SRSF4: variants seen among roughly 807,000 people sequenced by gnomAD.
The protein encoded by SRSF4 is serine/arginine-rich splicing factor 4.
Under a neutral mutation model 48.8 loss-of-function variants are expected in SRSF4, and 12 were observed. That is an observed-to-expected ratio of 0.25 (90% CI 0.16 to 0.40). SRSF4 has a LOEUF of 0.40. Among genes scored for constraint, SRSF4 ranks in the 10% least tolerant of loss-of-function variants. The pLI is 1.00. For missense variants in SRSF4, 466 were observed against 667.1 expected (o/e 0.70, Z 3.32); for synonymous variants, 248 against 232.5 (o/e 1.07, Z -0.61).
chr1:29,149,324 A>C, intron 5 of SRSF4, 98 bp from the exon 6 acceptor site: 1 of 1,360,946 alleles, frequency 7.3e-7, no homozygotes, highest in Non-Finnish European at 9.8e-7. Context: ...ACACCCCCCA[A>C]TATAAAGCAT....
chr1:29,154,690 C>A lies in SRSF4; in HGVS notation c.578+6G>T, dbSNP rs755599541. The A allele has an allele frequency of 6.2e-7, 1 of 1,614,050 alleles. No individual in the cohort carries two copies. Among genetic ancestry groups the A allele is most frequent in the South Asian group, 1.1e-5 (1 of 91,062 alleles). On this transcript the variant is annotated splice_donor_region_variant and intron_variant, in intron 4 of 5. Transcript: ENST00000373795. ...AGCTCCAACACACAAAAGACATCAA[C>A]AGTACCTTGAATGACTCCGGCTTCT...
At position 29,181,762 on chromosome 1, in the gene SRSF4, G is replaced by C; in HGVS notation, c.-10C>G. 1 of 1,568,736 alleles carries C rather than the reference G, an allele frequency of 6.4e-7. No homozygotes were observed. On this transcript the variant is annotated 5_prime_UTR_variant, in exon 1 of 6. Coordinates refer to ENST00000373795, the MANE Select transcript of SRSF4 (RefSeq NM_005626.5). ...TGTACACCCGCGGCATCCCGGCAAC[G>C]GCAGTGATGGCTGGCCCCGGCCCCA... is the stretch of plus-strand genomic sequence containing the variant.
In SRSF4 at chr1:29,167,327, C is replaced by A. The variant is rs567103162; in HGVS notation, c.108-6810G>T. Among the ~76,000 whole-genome samples, 6 of 152,328 alleles carry A rather than the reference C, an allele frequency of 3.9e-5. No homozygotes were observed. In the South Asian group the frequency reaches 6.2e-4, roughly 16 times the overall value. On this transcript the variant is annotated intron_variant, in intron 1 of 5. Transcript: ENST00000373795. Reference sequence around the variant, plus strand: ...CTTTCATGAAGCCTCAGAAACTTGCCTATTCCAATTATTTTAGGACTTTCT... The same window carrying A: ...CTTTCATGAAGCCTCAGAAACTTGCATATTCCAATTATTTTAGGACTTTCT...
chr1:29,176,810 C>T (rs1221169571), intron 1 of SRSF4, among the ~76,000 whole-genome samples: 1 of 152,232 alleles, frequency 6.6e-6, no homozygotes, highest in Non-Finnish European at 1.5e-5. Context: ...CATGACTAAA[C>T]AGACCACAAC....
At chr1:29,155,058 TG>T in intron 3 of SRSF4, 148 bp from the exon 4 acceptor site, 1 of 722,156 alleles carries the variant, frequency 1.4e-6, no homozygotes, top group South Asian at 1.9e-5. Context: ...CCATCAATCA[TG>T]TACTGAGGTT....
intron 1 of SRSF4, 126 bp downstream of exon 1, chr1:29,181,520 T>C (rs1043028621): frequency 3.4e-5 from 27 of 788,122 alleles, no homozygotes; most frequent in Non-Finnish European, 1.1e-5. Context: ...GCCGCCACTA[T>C]GGCGGAGCCT....
chr1:29,162,151 G>GTT (rs2151816710), intron 1 of SRSF4, among the ~76,000 whole-genome samples: 1 of 152,282 alleles, frequency 6.6e-6, no homozygotes, highest in South Asian at 2.1e-4. Context: ...GTGCCTTGCA[G>GTT]TAACACAATT....
chr1:29,164,186 T>C (rs550461227), intron 1 of SRSF4, among the ~76,000 whole-genome samples: 75 of 152,330 alleles, frequency 4.9e-4, no homozygotes, highest in African/African-American at 1.7e-3. Context: ...AAATTTGACA[T>C]GCCTGCACTA....
intron 1 of SRSF4, among the ~76,000 whole-genome samples, chr1:29,181,324 T>C (rs891729155): frequency 5.9e-5 from 9 of 152,316 alleles, no homozygotes; most frequent in African/African-American, 1.9e-4. Flanking sequence ...GTTCCGGGCC[T>C]AGGAAGGGAA....
At chr1:29,180,844 T>C (rs1413132515) in intron 1 of SRSF4, among the ~76,000 whole-genome samples, 1 of 152,192 alleles carries the variant, frequency 6.6e-6, no homozygotes, top group African/African-American at 2.4e-5. Flanking sequence ...GATCATACTC[T>C]GGGGGAGGCA....
At position 29,159,416 on chromosome 1, in the gene SRSF4, A is replaced by G; in HGVS notation, c.321T>C (p.Ile107=). Residue 107 remains isoleucine, a synonymous_variant, in exon 3 of 6, where the codon ATT becomes ATC. Coordinates refer to ENST00000373795, the MANE Select transcript of SRSF4 (RefSeq NM_005626.5). ...GPPTRTEYRL[I]VENLSSRCSW... Reference sequence around the variant, plus strand: ...TGCACCGACTTGACAAATTCTCCACAATAAGTCTGTACTCTGTGCGAGTAG... The same window carrying G: ...TGCACCGACTTGACAAATTCTCCACGATAAGTCTGTACTCTGTGCGAGTAG... 5.6e-6 allele frequency: 9 copies of G among 1,614,016 alleles called. No individual in the cohort carries two copies. Among genetic ancestry groups the G allele is most frequent in the East Asian group, 2.2e-5 (1 of 44,872 alleles).
At position 29,155,104 on chromosome 1, in the gene SRSF4, A is replaced by G. The variant is rs138062464; in HGVS notation, c.364-194T>C. Among the ~76,000 whole-genome samples, 607 of 152,294 alleles carry G rather than the reference A, an allele frequency of 4.0e-3. 1 individual carries two copies. Among genetic ancestry groups the G allele is most frequent in the African/African-American group, 9.3e-3 (386 of 41,558 alleles). Reference sequence around the variant, plus strand: ...ACCAGCCATATTAGGTGGGTGGGAGAGACAATAAATACACATTAAATTGTT... The same window carrying G: ...ACCAGCCATATTAGGTGGGTGGGAGGGACAATAAATACACATTAAATTGTT... On this transcript the variant is annotated intron_variant, in intron 3 of 5. Transcript: ENST00000373795.
intron 1 of SRSF4, chr1:29,169,527 C>G (rs1244361916): frequency 6.6e-6 from 1 of 152,188 alleles, no homozygotes; most frequent in Non-Finnish European, 1.5e-5. Flanking sequence ...TTATTCTCTA[C>G]AAGTGGAACC....
chr1:29,174,657 A>G (rs1574202345), intron 1 of SRSF4, among the ~76,000 whole-genome samples: 2 of 149,036 alleles, frequency 1.3e-5, no homozygotes, highest in Non-Finnish European at 3.0e-5. Flanking sequence ...GAAAAGGGAG[A>G]GACTGTGCAG....
At position 29,154,878 on chromosome 1, in the gene SRSF4, A is replaced by G. The variant is rs779179050; in HGVS notation, c.396T>C (p.Tyr132=). The change falls in exon 4 of 6, where the codon TAT becomes TAC. Residue 132 remains tyrosine, a synonymous_variant. Coordinates refer to ENST00000373795, the MANE Select transcript of SRSF4 (RefSeq NM_005626.5). Reference sequence around the variant, plus strand: ...TTTTGCGTCCCTTGTGAGCATCTGCATAAGTCACTTCTCCTGCCTGACGCA... The same window carrying G: ...TTTTGCGTCCCTTGTGAGCATCTGCGTAAGTCACTTCTCCTGCCTGACGCA... ...DYMRQAGEVT[Y]ADAHKGRKNE... is the part of the protein sequence containing the mutation. The G allele has an allele frequency of 2.0e-5, 33 of 1,614,080 alleles. No individual in the cohort carries two copies. The Admixed American group carries it at 4.5e-4, about 22-fold the overall frequency.
intron 3 of SRSF4, among the ~76,000 whole-genome samples, chr1:29,157,723 C>A (rs1347627076): frequency 6.6e-6 from 1 of 152,194 alleles, no homozygotes; most frequent in Non-Finnish European, 1.5e-5. Context: ...ATACACTTCA[C>A]TCATTTGGCT....
At chr1:29,153,119 G>T (rs953347723) in intron 4 of SRSF4, among the ~76,000 whole-genome samples, 48 of 152,060 alleles carry the variant, frequency 3.2e-4, no homozygotes, top group African/African-American at 1.2e-3. Context: ...CTGAGTTTCA[G>T]GGGGGCAAGG....
chr1:29,165,714 G>A (rs953291119), intron 1 of SRSF4, among the ~76,000 whole-genome samples: 4 of 152,218 alleles, frequency 2.6e-5, no homozygotes, highest in African/African-American at 7.2e-5. Flanking sequence ...GGCAAGGCAT[G>A]ACTAAGGGGG....
chr1:29,156,573 T>C (rs1672502250), intron 3 of SRSF4, among the ~76,000 whole-genome samples: 1 of 152,200 alleles, frequency 6.6e-6, no homozygotes, highest in Non-Finnish European at 1.5e-5. Context: ...AGTAACTTGC[T>C]AAGGGTCATG....
Sources: gnomAD v4.1 joint callset for allele counts (sites outside exome capture counted in the v4.1 genomes callset) on GRCh38, gnomAD v4.1.1 for gene constraint, MANE v1.5 for transcripts, NCBI Gene and HGNC (gene_info 2026-07-23, HGNC 2026-07-21) for gene names.